Variants in NPFFR2 observed in about 807,000 individuals in gnomAD.
NPFFR2 encodes the protein G-protein coupled receptor 74.
A neutral mutation model predicts 13.1 loss-of-function variants in NPFFR2; 15 were observed. The observed-to-expected ratio is 1.15, with a 90% CI of 0.77 to 1.76. The LOEUF is 1.76. Ranked by LOEUF, NPFFR2 falls within the 40% of genes most tolerant of loss-of-function variation. The pLI, the probability that NPFFR2 is intolerant of heterozygous loss-of-function variation, is 0.00. For missense variants in NPFFR2, 572 were observed against 503.5 expected (o/e 1.14, Z -1.30); for synonymous variants, 190 against 175.7 (o/e 1.08, Z -0.65).
chr4:72,039,606 T>C (rs767200595), intron 1 of NPFFR2, among the ~76,000 whole-genome samples: 1 of 152,232 alleles, frequency 6.6e-6, no homozygotes. Flanking sequence ...TCTAAATGGC[T>C]GTATATAATA....
intron 1 of NPFFR2, among the ~76,000 whole-genome samples, chr4:72,069,673 A>C (rs1720187951): frequency 6.6e-6 from 1 of 152,142 alleles, no homozygotes; most frequent in Non-Finnish European, 1.5e-5. Flanking sequence ...GATTAGAAAA[A>C]TATTTAATGT....
intron 1 of NPFFR2, among the ~76,000 whole-genome samples, chr4:72,081,020 T>A (rs1045007472): frequency 2.2e-4 from 34 of 152,146 alleles, no homozygotes; most frequent in African/African-American, 8.0e-4. Flanking sequence ...AACTTGCTTG[T>A]CTACTCAGAT....
chr4:72,069,743 A>G (rs752254319), intron 1 of NPFFR2, among the ~76,000 whole-genome samples: 1 of 152,198 alleles, frequency 6.6e-6, no homozygotes, highest in Non-Finnish European at 1.5e-5. Flanking sequence ...GGAAATATGA[A>G]TAGGAAATTC....
At chr4:72,046,097 C>CA (rs1161134502) in intron 1 of NPFFR2, among the ~76,000 whole-genome samples, 1 of 151,800 alleles carries the variant, frequency 6.6e-6, no homozygotes, top group Non-Finnish European at 1.5e-5. Flanking sequence ...CACAGGTAGG[C>CA]AAAAAAATAG....
At chr4:72,109,216 G>C (rs551373641) in intron 1 of NPFFR2, among the ~76,000 whole-genome samples, 2 of 152,116 alleles carry the variant, frequency 1.3e-5, no homozygotes, top group Admixed American at 1.3e-4. Flanking sequence ...AGATCTGAGA[G>C]AGATGTCCAA....
At chr4:72,093,656 T>C (rs1720971620) in intron 1 of NPFFR2, among the ~76,000 whole-genome samples, 1 of 151,410 alleles carries the variant, frequency 6.6e-6, no homozygotes, top group Admixed American at 6.6e-5. Context: ...GCCATTTCTC[T>C]AAGTCTGTAC....
At chr4:72,096,980 G>A (rs1466405816) in intron 1 of NPFFR2, among the ~76,000 whole-genome samples, 1 of 151,774 alleles carries the variant, frequency 6.6e-6, no homozygotes, top group Non-Finnish European at 1.5e-5. Context: ...AGACAATTTA[G>A]AATGTAAAAT....
At chr4:72,080,552 C>T (rs922456061) in intron 1 of NPFFR2, among the ~76,000 whole-genome samples, 3 of 152,122 alleles carry the variant, frequency 2.0e-5, no homozygotes, top group Non-Finnish European at 4.4e-5. Context: ...AGCTTTGAAA[C>T]ATGGGAATAA....
chr4:72,040,589 A>C (rs987390791), intron 1 of NPFFR2, among the ~76,000 whole-genome samples: 1 of 152,060 alleles, frequency 6.6e-6, no homozygotes, highest in Non-Finnish European at 1.5e-5. Context: ...TTTCTTCACA[A>C]ATGTTCTTAG....
In NPFFR2 at chr4:72,147,066, A is replaced by T. The variant is rs1206510907; in HGVS notation, c.517A>T (p.Thr173Ser). 1 of 1,614,004 alleles carries T rather than the reference A, an allele frequency of 6.2e-7. No homozygotes were observed. The highest frequency in any genetic ancestry group is 8.5e-7 in the Non-Finnish European group (1 of 1,180,002). The change falls in exon 4 of 4, where the codon ACC becomes TCC. Residue 173 changes from threonine to serine, a missense_variant. Coordinates refer to ENST00000308744, the MANE Select transcript of NPFFR2 (RefSeq NM_004885.3). ...IIMIIWVLAI[T>S]IMSPSAVMLH... is the part of the protein sequence containing the mutation. ...TATGATCATCTGGGTCCTAGCCATC[A>T]CCATTATGTCTCCATCTGCAGTAAT...
At chr4:72,114,969 C>G (rs1173972129) in intron 1 of NPFFR2, among the ~76,000 whole-genome samples, 2 of 152,082 alleles carry the variant, frequency 1.3e-5, no homozygotes, top group African/African-American at 4.8e-5. Flanking sequence ...ATAGTATTTT[C>G]CCAGAGGATT....
chr4:72,143,909 A>C (rs547437061), intron 3 of NPFFR2, among the ~76,000 whole-genome samples: 1 of 152,338 alleles, frequency 6.6e-6, no homozygotes, highest in African/African-American at 2.4e-5. Flanking sequence ...ATAATTCTGC[A>C]ACAAATGGTT....
intron 1 of NPFFR2, among the ~76,000 whole-genome samples, chr4:72,074,821 T>G (rs13116629): frequency 0.9 from 136,878 of 152,116 alleles, 62,535 homozygotes; most frequent in Non-Finnish European, 0.98. Flanking sequence ...AGTTGAAAGG[T>G]TGAAAATGGA....
chr4:72,058,397 T>TA (rs5859299), intron 1 of NPFFR2, among the ~76,000 whole-genome samples: 127,489 of 147,724 alleles, frequency 0.86, 56,459 homozygotes, highest in Non-Finnish European at 0.98. Context: ...AAATAAAAAG[T>TA]AAAAAAAAAA....
chr4:72,135,029 T>C (rs766871975), intron 2 of NPFFR2, among the ~76,000 whole-genome samples: 7 of 152,208 alleles, frequency 4.6e-5, no homozygotes, highest in Non-Finnish European at 8.8e-5. Flanking sequence ...ATTAGTTAGC[T>C]GTATGAAGAA....
intron 1 of NPFFR2, among the ~76,000 whole-genome samples, chr4:72,046,262 T>A (rs960736856): frequency 6.6e-6 from 1 of 152,170 alleles, no homozygotes; most frequent in African/African-American, 2.4e-5. Flanking sequence ...TGTTGAAATT[T>A]AATTGCCAAT....
chr4:72,073,874 G>A (rs1004986375), intron 1 of NPFFR2, among the ~76,000 whole-genome samples: 1 of 151,494 alleles, frequency 6.6e-6, no homozygotes, highest in Non-Finnish European at 1.5e-5. Flanking sequence ...TAACTAAAGA[G>A]TATACTCTAA....
intron 1 of NPFFR2, among the ~76,000 whole-genome samples, chr4:72,101,369 A>G (rs372442384): frequency 3.3e-5 from 5 of 152,094 alleles, no homozygotes; most frequent in African/African-American, 9.6e-5. Flanking sequence ...AGACTAGAAT[A>G]GGTGCTGGGG....
chr4:72,147,537 C>A lies in NPFFR2; in HGVS notation c.988C>A (p.Pro330Thr). ...WLAFGNSSVN[P>T]IIYGFFNENF... ...GGCATTCGGCAACAGCAGTGTCAAT[C>A]CCATCATTTATGGTTTCTTCAACGA... Residue 330 changes from proline to threonine, a missense_variant, in exon 4 of 4, where the codon CCC (proline) becomes ACC (threonine). Transcript: ENST00000308744. 1 of 1,614,210 alleles carries A rather than the reference C, an allele frequency of 6.2e-7. No homozygotes were observed. The highest frequency in any genetic ancestry group is 8.5e-7 in the Non-Finnish European group (1 of 1,180,030).
Sources: allele counts gnomAD v4.1 joint callset (sites outside exome capture counted in the v4.1 genomes callset), GRCh38; gene constraint gnomAD v4.1.1; transcripts MANE v1.5; gene names NCBI Gene and HGNC (gene_info 2026-07-23, HGNC 2026-07-21).